The following FANK1 variants were observed in gnomAD, a reference collection of about 807,000 sequenced individuals.
FANK1 encodes the protein fibronectin type 3 and ankyrin repeat domains protein 1.
A neutral mutation model predicts 45.3 loss-of-function variants in FANK1; 44 were observed. The ratio of observed to expected loss-of-function variants is 0.97; its 90% CI spans 0.76 to 1.25. The LOEUF (loss-of-function observed/expected upper bound fraction) is 1.25, where lower values mean the gene tolerates loss of function less well. Among genes scored for constraint, FANK1 ranks in the 50% most tolerant of loss-of-function variants. The pLI, the probability that FANK1 is intolerant of heterozygous loss-of-function variation, is 0.00. For synonymous variants in FANK1, 149 were observed against 152.5 expected (o/e 0.98, Z 0.17); for missense variants, 391 against 424.4 (o/e 0.92, Z 0.69).
At chr10:125,981,383 C>G (rs1382292703) in intron 2 of FANK1, among the ~76,000 whole-genome samples, 1 of 151,310 alleles carries the variant, frequency 6.6e-6, no homozygotes, top group Non-Finnish European at 1.5e-5. Flanking sequence ...TGGCTTATGC[C>G]TGTAGTCCCG....
intron 1 of FANK1, among the ~76,000 whole-genome samples, chr10:125,924,833 A>G (rs1947233889): frequency 6.6e-6 from 1 of 151,918 alleles, no homozygotes; most frequent in Non-Finnish European, 1.5e-5. Context: ...AAAAAAGACT[A>G]TCATTTTCCC....
intron 1 of FANK1, among the ~76,000 whole-genome samples, chr10:125,930,517 T>TTA (rs1947683203): frequency 6.6e-6 from 1 of 151,352 alleles, no homozygotes; most frequent in Non-Finnish European, 1.5e-5. Context: ...TTTTTTTTTT[T>TTA]ATTAGACATG....
intron 1 of FANK1, among the ~76,000 whole-genome samples, chr10:125,969,704 G>A (rs1183564749): frequency 6.6e-6 from 1 of 152,082 alleles, no homozygotes; most frequent in Non-Finnish European, 1.5e-5. Flanking sequence ...TAGGACAATA[G>A]TGGAGAGAAG....
rs942434523 is a variant in FANK1 at position 125,956,203 on chromosome 10, G to GGA, written c.14-23957_14-23956insAG. Among the ~76,000 whole-genome samples, 2 of 33,284 alleles carry GGA rather than the reference G, an allele frequency of 6.0e-5. 1 individual carries two copies. Among genetic ancestry groups the GGA allele is most frequent in the East Asian group, 2.0e-3 (2 of 1,024 alleles). The allele number at this position is 33,284 out of a possible 152,430, so 21.8% of individuals were successfully genotyped here. Reference sequence around the variant, plus strand: ...CCAGTACTTCTATGATACATTTTTTGGGGGGGGGGCGGTGGTGGGGGTAAA... The same window carrying GGA: ...CCAGTACTTCTATGATACATTTTTTGGAGGGGGGGGGCGGTGGTGGGGGTAAA... On this transcript the variant is annotated intron_variant, in intron 1 of 10. Coordinates refer to ENST00000368693, the MANE Select transcript of FANK1 (RefSeq NM_145235.5).
intron 3 of FANK1, chr10:125,994,769 G>A (rs531919674): frequency 1.0e-6 from 1 of 985,376 alleles, no homozygotes. Context: ...CTGTGGAGCT[G>A]ATGTCCCCTG....
intron 1 of FANK1, among the ~76,000 whole-genome samples, chr10:125,916,936 A>C (rs1946491919): frequency 1.3e-5 from 2 of 152,158 alleles, no homozygotes; most frequent in South Asian, 4.1e-4. Context: ...TCTGAAGATA[A>C]CGCTGAATCG....
At chr10:126,006,549 G>A (rs893674872) in intron 7 of FANK1, among the ~76,000 whole-genome samples, 1 of 152,074 alleles carries the variant, frequency 6.6e-6, no homozygotes. Context: ...AAAGAAGGTT[G>A]TACTTTGCTG....
Position 125,988,669 on chromosome 10 carries a change from A to G in FANK1, c.310A>G (p.Thr104Ala), listed in dbSNP as rs112998232. The change falls in exon 3 of 11, where the codon ACA becomes GCA. Residue 104 changes from threonine (T) to alanine (A), a missense_variant. By Grantham distance (58) the Thr-to-Ala change is moderately conservative. Transcript: ENST00000368693. Reference protein sequence around the residue: ...CEYSPLVSVSTTREPISSEHL... With the variant: ...CEYSPLVSVSATREPISSEHL... Reference sequence around the variant, plus strand: ...GTACAGCCCACTCGTCTCAGTGTCTACAACCAGTGAGTATTCAGACCGTCC... The same window carrying G: ...GTACAGCCCACTCGTCTCAGTGTCTGCAACCAGTGAGTATTCAGACCGTCC... The G allele has an allele frequency of 2.5e-6, 4 of 1,614,184 alleles. No homozygotes were observed. Among genetic ancestry groups the G allele is most frequent in the Admixed American group, 3.3e-5 (2 of 60,020 alleles).
intron 1 of FANK1, among the ~76,000 whole-genome samples, chr10:125,961,016 A>G (rs1471978353): frequency 1.3e-5 from 2 of 152,258 alleles, no homozygotes; most frequent in African/African-American, 2.4e-5. Flanking sequence ...TGAAGACAGC[A>G]TGGTACTGTC....
At chr10:125,924,254 G>GGTTT (rs1554916248) in intron 1 of FANK1, among the ~76,000 whole-genome samples, 1 of 143,882 alleles carries the variant, frequency 7.0e-6, no homozygotes. Context: ...CTGATGCTTA[G>GGTTT]TTTTTTTTTT....
At chr10:126,000,081 AT>A (rs1029641765) in intron 6 of FANK1, among the ~76,000 whole-genome samples, 1 of 152,202 alleles carries the variant, frequency 6.6e-6, no homozygotes, top group African/African-American at 2.4e-5. Flanking sequence ...GGAAATCTGA[AT>A]TAAAAAAAAC....
intron 1 of FANK1, among the ~76,000 whole-genome samples, chr10:125,921,256 G>T (rs1946925429): frequency 6.6e-6 from 1 of 152,160 alleles, no homozygotes; most frequent in African/African-American, 2.4e-5. Flanking sequence ...TCACTGATCT[G>T]TGTTCCTCTA....
chr10:126,009,428 G>A lies in FANK1; in HGVS notation c.1028G>A (p.Cys343Tyr). 6.2e-7 allele frequency: 1 copy of A among 1,614,124 alleles called. No homozygotes were observed. The highest frequency in any genetic ancestry group is 2.2e-5 in the East Asian group (1 of 44,876). Reference sequence around the variant, plus strand: ...AAAAAGCAGAGGCCAAAGAAGTCTTGTGTCTGCTGATGAGAGCACCACTCA... The same window carrying A: ...AAAAAGCAGAGGCCAAAGAAGTCTTATGTCTGCTGATGAGAGCACCACTCA... ...RKKKQRPKKS[C>Y]VC The change falls in exon 11 of 11, where the codon TGT becomes TAT. Residue 343 changes from cysteine (C) to tyrosine (Y), a missense_variant. Transcript: ENST00000368693.
intron 1 of FANK1, chr10:125,972,461 T>C (rs1950577556): frequency 6.6e-6 from 1 of 152,166 alleles, no homozygotes; most frequent in Non-Finnish European, 1.5e-5. Flanking sequence ...TGGGTTAATA[T>C]TGTAAGGATT....
At chr10:125,959,492 C>T (rs1221407292) in intron 1 of FANK1, among the ~76,000 whole-genome samples, 1 of 145,908 alleles carries the variant, frequency 6.9e-6, no homozygotes, top group Non-Finnish European at 1.5e-5. Context: ...CTTAAGAATA[C>T]AAAGACTGAA....
chr10:125,903,597 A>C (rs1333849461), intron 1 of FANK1, among the ~76,000 whole-genome samples: 1 of 152,218 alleles, frequency 6.6e-6, no homozygotes, highest in African/African-American at 2.4e-5. Context: ...TGGGAAGCTG[A>C]GGCGGGGGGA....
At chr10:125,980,128 G>A (rs1951104574) in intron 1 of FANK1, 33 bp from the exon 2 acceptor site, 1 of 1,594,230 alleles carries the variant, frequency 6.3e-7, no homozygotes, top group South Asian at 1.1e-5. Flanking sequence ...ATGGAAACTG[G>A]GTCCTGAAGT....
chr10:125,997,183 T>G (rs537191957), intron 5 of FANK1, among the ~76,000 whole-genome samples: 36 of 152,326 alleles, frequency 2.4e-4, no homozygotes, highest in African/African-American at 8.7e-4. Context: ...TTCATGTGCT[T>G]TCATTTGATT....
chr10:125,994,049 A>G (rs529751369), intron 3 of FANK1, among the ~76,000 whole-genome samples: 1 of 152,280 alleles, frequency 6.6e-6, no homozygotes, highest in East Asian at 1.9e-4. Context: ...CTGGCATCCC[A>G]GAGAGATTTT....
Sources: gnomAD v4.1 joint callset for allele counts (sites outside exome capture counted in the v4.1 genomes callset) on GRCh38, gnomAD v4.1.1 for gene constraint, MANE v1.5 for transcripts, NCBI Gene and HGNC (gene_info 2026-07-23, HGNC 2026-07-21) for gene names.